Variants in DNAJC15 observed in about 807,000 individuals in gnomAD.
DNAJC15 encodes the protein dnaJ homolog subfamily C member 15.
Under a neutral mutation model 22.4 loss-of-function variants are expected in DNAJC15, and 27 were observed. That is an observed-to-expected ratio of 1.20 (90% CI 0.89 to 1.66). The LOEUF is 1.66. Among genes scored for constraint, DNAJC15 ranks in the 40% most tolerant of loss-of-function variants. DNAJC15 has a pLI of 0.00. For synonymous variants in DNAJC15, 79 were observed against 63.2 expected (o/e 1.25, Z -1.19); for missense variants, 208 against 187.1 (o/e 1.11, Z -0.65).
chr13:43,041,204 C>A (rs979863828), intron 1 of DNAJC15, among the ~76,000 whole-genome samples: 16 of 152,188 alleles, frequency 1.1e-4, no homozygotes, highest in African/African-American at 3.9e-4. Context: ...GAGGTCTCTG[C>A]AGGGTTTTGT....
At chr13:43,087,318 T>C (rs1566214324) in intron 5 of DNAJC15, among the ~76,000 whole-genome samples, 1 of 152,200 alleles carries the variant, frequency 6.6e-6, no homozygotes, top group African/African-American at 2.4e-5. Flanking sequence ...ATCCATATAC[T>C]CACAGTTAAG....
At chr13:43,053,847 T>C (rs1269221105) in intron 1 of DNAJC15, among the ~76,000 whole-genome samples, 1 of 151,028 alleles carries the variant, frequency 6.6e-6, no homozygotes, top group Non-Finnish European at 1.5e-5. Flanking sequence ...TATACAATCA[T>C]ATCTTCAGCA....
At chr13:43,071,991 C>T (rs1169937954) in intron 3 of DNAJC15, among the ~76,000 whole-genome samples, 1 of 152,160 alleles carries the variant, frequency 6.6e-6, no homozygotes, top group Non-Finnish European at 1.5e-5. Context: ...TCCTTGAAAT[C>T]TGGTGAAGCC....
intron 1 of DNAJC15, among the ~76,000 whole-genome samples, chr13:43,057,349 G>A (rs59810773): frequency 9.0e-4 from 137 of 152,084 alleles, no homozygotes; most frequent in African/African-American, 3.1e-3. Flanking sequence ...TGAAAGCCTT[G>A]TCTTTGAGCT....
At chr13:43,106,594 T>C (rs1357127666) in intron 5 of DNAJC15, among the ~76,000 whole-genome samples, 1 of 152,102 alleles carries the variant, frequency 6.6e-6, no homozygotes, top group African/African-American at 2.4e-5. Flanking sequence ...TTTTTGACAT[T>C]ATTTTTATCT....
At chr13:43,027,792 G>A (rs1023120597) in intron 1 of DNAJC15, among the ~76,000 whole-genome samples, 1 of 152,066 alleles carries the variant, frequency 6.6e-6, no homozygotes, top group Non-Finnish European at 1.5e-5. Context: ...AAGTAGCTGG[G>A]ACCACAGGCG....
chr13:43,100,951 G>A (rs1007837614), intron 5 of DNAJC15, among the ~76,000 whole-genome samples: 1 of 152,126 alleles, frequency 6.6e-6, no homozygotes, highest in African/African-American at 2.4e-5. Context: ...GTGCACATAT[G>A]TTTACAGTTG....
chr13:43,044,394 T>C (rs6561104), intron 1 of DNAJC15, among the ~76,000 whole-genome samples: 38,679 of 152,072 alleles, frequency 0.25, 5,105 homozygotes, highest in South Asian at 0.39. Context: ...TCACTTAGGC[T>C]TTATCATACT....
At chr13:43,060,862 T>C (rs770112108) in intron 1 of DNAJC15, among the ~76,000 whole-genome samples, 29 of 152,176 alleles carry the variant, frequency 1.9e-4, no homozygotes, top group Non-Finnish European at 2.5e-4. Flanking sequence ...TCTTCTCAGA[T>C]CCTGTGGGAA....
chr13:43,079,490 T>C (rs1428437315), intron 4 of DNAJC15, among the ~76,000 whole-genome samples: 7 of 152,146 alleles, frequency 4.6e-5, no homozygotes, highest in Non-Finnish European at 1.0e-4. Context: ...CAGTTTAGTT[T>C]GGTGCTTTAT....
intron 4 of DNAJC15, among the ~76,000 whole-genome samples, chr13:43,082,916 A>C (rs1466753441): frequency 6.6e-6 from 1 of 151,744 alleles, no homozygotes; most frequent in Non-Finnish European, 1.5e-5. Flanking sequence ...GTGTGTGTAT[A>C]TATATATGAA....
intron 5 of DNAJC15, among the ~76,000 whole-genome samples, chr13:43,093,408 T>G: frequency 6.6e-6 from 1 of 152,206 alleles, no homozygotes; most frequent in East Asian, 1.9e-4. Flanking sequence ...CTTTTTATTT[T>G]TCTTTTTCTT....
At position 43,036,166 on chromosome 13, in the gene DNAJC15, C is replaced by CTT. The variant is rs1181907862; in HGVS notation, c.108+12450_108+12451dup. ...GGACAAAATGTTTTTCAGTTTCTGT[C>CTT]TTTTTTTTTTTTTTTTTTTGAGACA... is the stretch of plus-strand genomic sequence containing the variant. On this transcript the variant is annotated intron_variant, in intron 1 of 5. Coordinates refer to ENST00000379221, the MANE Select transcript of DNAJC15 (RefSeq NM_013238.3). Among the ~76,000 whole-genome samples, 741 of 125,882 alleles carry CTT rather than the reference C, an allele frequency of 5.9e-3. 16 individuals are homozygous for CTT. The highest frequency in any genetic ancestry group is 0.02 in the African/African-American group (647 of 33,130). The allele number at this position is 125,882 out of a possible 152,430, so 82.6% of individuals were successfully genotyped here.
intron 5 of DNAJC15, among the ~76,000 whole-genome samples, chr13:43,088,464 A>C (rs1036336424): frequency 3.9e-5 from 6 of 152,212 alleles, no homozygotes; most frequent in African/African-American, 1.4e-4. Context: ...ACTGGTGGAC[A>C]GCTCTAACTA....
At chr13:43,051,025 A>C (rs1408992578) in intron 1 of DNAJC15, among the ~76,000 whole-genome samples, 1 of 152,054 alleles carries the variant, frequency 6.6e-6, no homozygotes, top group African/African-American at 2.4e-5. Flanking sequence ...CCCAGGCTGG[A>C]GTGCAATGGC....
At chr13:43,085,447 A>G (rs1282291833) in intron 4 of DNAJC15, among the ~76,000 whole-genome samples, 1 of 152,164 alleles carries the variant, frequency 6.6e-6, no homozygotes, top group African/African-American at 2.4e-5. Context: ...CCTTCCCCCC[A>G]AATAACTTAG....
In DNAJC15 at chr13:43,114,175, C is replaced by T. The variant is rs879371202; in HGVS notation, c.*6927C>T. On this transcript the variant is annotated 3_prime_UTR_variant, in exon 6 of 6. Transcript: ENST00000379221. ...GATAGTTTTATCTATGTGGTTTTCC[C>T]GATGCAGTTAAAATAAAACCTAATC... 3 of 152,102 alleles carry T rather than the reference C, an allele frequency of 2.0e-5. No homozygotes were observed. The highest frequency in any genetic ancestry group is 7.2e-5 in the African/African-American group (3 of 41,412). The allele number at this position is 152,102 out of a possible 1,614,324, so 9.4% of individuals were successfully genotyped here.
intron 1 of DNAJC15, among the ~76,000 whole-genome samples, chr13:43,057,811 C>A (rs1405412375): frequency 6.6e-6 from 1 of 152,180 alleles, no homozygotes; most frequent in Non-Finnish European, 1.5e-5. Context: ...GTGGTGCACT[C>A]CCCCTTCCTC....
At chr13:43,025,826 C>T (rs1030254871) in intron 1 of DNAJC15, among the ~76,000 whole-genome samples, 1 of 152,170 alleles carries the variant, frequency 6.6e-6, no homozygotes, top group Non-Finnish European at 1.5e-5. Context: ...ATTGCTTGAA[C>T]CCAGGGGGCA....
Sources: allele counts gnomAD v4.1 joint callset (sites outside exome capture counted in the v4.1 genomes callset), GRCh38; gene constraint gnomAD v4.1.1; transcripts MANE v1.5; gene names NCBI Gene and HGNC (gene_info 2026-07-23, HGNC 2026-07-21).